ATXN2: variants seen among roughly 807,000 people sequenced by gnomAD.
The protein encoded by ATXN2 is ataxin 2.
A neutral mutation model predicts 138.6 loss-of-function variants in ATXN2; 37 were observed. That is an observed-to-expected ratio of 0.27 (90% CI 0.21 to 0.35). The LOEUF (loss-of-function observed/expected upper bound fraction) is 0.35, where lower values mean the gene tolerates loss of function less well. Ranked by LOEUF, ATXN2 falls within the 10% of genes least tolerant of loss-of-function variation. ATXN2 has a pLI of 1.00. For synonymous variants in ATXN2, 549 were observed against 543.7 expected, an observed-to-expected ratio of 1.01 and a Z score of -0.13; for missense variants, 1,216 against 1,480.3, an observed-to-expected ratio of 0.82 and a Z score of 2.93.
intron 1 of ATXN2, among the ~76,000 whole-genome samples, chr12:111,594,039 C>T (rs1884806947): frequency 1.3e-5 from 2 of 152,226 alleles, no homozygotes; most frequent in Non-Finnish European, 2.9e-5. Context: ...CCTCCCCACA[C>T]TCCCTATACC....
rs192532762 is a variant in ATXN2 at position 111,506,043 on chromosome 12, C to T, written c.1935+3506G>A. ...AATGAAGTACTGAAACATGCTCCAACATGGATGAACTTTTATAACACTACT... is the reference window on the plus strand; with the variant it reads ...AATGAAGTACTGAAACATGCTCCAATATGGATGAACTTTTATAACACTACT... On this transcript the variant is annotated intron_variant, in intron 14 of 24. Coordinates refer to ENST00000673436, the MANE Select transcript of ATXN2 (RefSeq NM_001372574.1). Among the ~76,000 whole-genome samples the T allele has an allele frequency of 3.0e-4, 46 of 152,288 alleles. No individual in the cohort carries two copies. In the Middle Eastern group the frequency reaches 0.01, roughly 34 times the overall value.
chr12:111,468,036 A>G (rs1293296524), intron 20 of ATXN2, among the ~76,000 whole-genome samples: 1 of 152,262 alleles, frequency 6.6e-6, no homozygotes, highest in Non-Finnish European at 1.5e-5. Context: ...CAAGGGGAGT[A>G]TGCCAGAAAA....
intron 1 of ATXN2, among the ~76,000 whole-genome samples, chr12:111,570,880 A>AATT (rs1225387521): frequency 6.6e-6 from 1 of 152,228 alleles, no homozygotes; most frequent in Non-Finnish European, 1.5e-5. Context: ...AAACTTAATG[A>AATT]AACGCTAAAC....
intron 14 of ATXN2, among the ~76,000 whole-genome samples, chr12:111,505,699 T>C (rs1469602968): frequency 1.3e-5 from 2 of 152,356 alleles, no homozygotes; most frequent in Non-Finnish European, 2.9e-5. Context: ...CAATAAGTGT[T>C]AGCAAGGATG....
chr12:111,594,451 G>A (rs1884830425), intron 1 of ATXN2, among the ~76,000 whole-genome samples: 1 of 151,812 alleles, frequency 6.6e-6, no homozygotes, highest in Admixed American at 6.6e-5. Flanking sequence ...TGATGCTCCT[G>A]CCTCAGCCTC....
At chr12:111,580,697 G>A (rs1451496503) in intron 1 of ATXN2, among the ~76,000 whole-genome samples, 2 of 106,886 alleles carry the variant, frequency 1.9e-5, no homozygotes, top group African/African-American at 3.5e-5. Context: ...GAAGGGGAGG[G>A]AGGGAGGGAG....
chr12:111,560,840 T>C (rs889375061), intron 1 of ATXN2, among the ~76,000 whole-genome samples: 5 of 151,586 alleles, frequency 3.3e-5, no homozygotes, highest in African/African-American at 1.2e-4. Context: ...ATTGCTTGTA[T>C]AACCAGATGT....
At chr12:111,470,867 C>T in intron 18 of ATXN2, 125 bp from the exon 19 acceptor site, 1 of 969,898 alleles carries the variant, frequency 1.0e-6, no homozygotes, top group Non-Finnish European at 1.5e-6. Flanking sequence ...CATCTCATAC[C>T]ACTCCCACTT....
At chr12:111,562,478 T>C (rs1882749534) in intron 1 of ATXN2, among the ~76,000 whole-genome samples, 1 of 151,776 alleles carries the variant, frequency 6.6e-6, no homozygotes, top group African/African-American at 2.4e-5. Context: ...CCTAGCACTC[T>C]GGGAGGCTGA....
At chr12:111,527,558 A>G (rs1190469735) in intron 5 of ATXN2, among the ~76,000 whole-genome samples, 1 of 152,186 alleles carries the variant, frequency 6.6e-6, no homozygotes, top group African/African-American at 2.4e-5. Flanking sequence ...GAGTGTGTGT[A>G]CCTGTACATC....
At chr12:111,482,809 C>T (rs1877341074) in intron 18 of ATXN2, 1 of 150,428 alleles carries the variant, frequency 6.6e-6, no homozygotes, top group Non-Finnish European at 1.5e-5. Flanking sequence ...AGAGTTCTTT[C>T]AACAGGTTCA....
chr12:111,591,111 G>A (rs60280041), intron 1 of ATXN2, among the ~76,000 whole-genome samples: 4 of 151,798 alleles, frequency 2.6e-5, no homozygotes, highest in Non-Finnish European at 4.4e-5. Flanking sequence ...GGATGGTCTC[G>A]ATCTCCTGAC....
At chr12:111,528,175 T>TA (rs1240681958) in intron 5 of ATXN2, among the ~76,000 whole-genome samples, 1 of 152,186 alleles carries the variant, frequency 6.6e-6, no homozygotes, top group Non-Finnish European at 1.5e-5. Flanking sequence ...AGCTCAGTAT[T>TA]AAAAACAATA....
intron 1 of ATXN2, chr12:111,581,424 A>G (rs1883997585): frequency 1.3e-6 from 1 of 748,114 alleles, no homozygotes; most frequent in Admixed American, 1.8e-5. Context: ...AACATCGGCC[A>G]TCCCCCTAAC....
chr12:111,597,549 T>C (rs574319377), intron 1 of ATXN2, among the ~76,000 whole-genome samples: 14 of 152,194 alleles, frequency 9.2e-5, no homozygotes, highest in African/African-American at 1.9e-4. Flanking sequence ...ATGGAGTCTA[T>C]TGACGTTTCC....
intron 1 of ATXN2, among the ~76,000 whole-genome samples, chr12:111,568,290 CTG>C (rs770462779): frequency 5.9e-5 from 9 of 151,392 alleles, no homozygotes; most frequent in Non-Finnish European, 8.8e-5. Context: ...AAAAAAAAAA[CTG>C]GGGAGAAAAA....
At chr12:111,456,914 AT>A (rs1483006782) in intron 22 of ATXN2, among the ~76,000 whole-genome samples, 2 of 151,508 alleles carry the variant, frequency 1.3e-5, no homozygotes, top group Admixed American at 6.6e-5. Context: ...CGCCCGGCTA[AT>A]TTTTTTGTAT....
intron 7 of ATXN2, among the ~76,000 whole-genome samples, chr12:111,520,528 A>G (rs563551412): frequency 6.6e-6 from 1 of 152,190 alleles, no homozygotes; most frequent in South Asian, 2.1e-4. Flanking sequence ...GCACGCGCCT[A>G]TAGTCCCAGC....
chr12:111,558,260 C>T (rs1031511717), intron 1 of ATXN2, among the ~76,000 whole-genome samples: 2 of 152,104 alleles, frequency 1.3e-5, no homozygotes, highest in Admixed American at 1.3e-4. Flanking sequence ...TTTTTGTATC[C>T]ATTCAAGTTA....
Sources: gnomAD v4.1 joint callset for allele counts (sites outside exome capture counted in the v4.1 genomes callset) on GRCh38, gnomAD v4.1.1 for gene constraint, MANE v1.5 for transcripts, NCBI Gene and HGNC (gene_info 2026-07-23, HGNC 2026-07-21) for gene names.